ADSL: variants seen among roughly 807,000 people sequenced by gnomAD.
ADSL encodes the protein adenylosuccinate lyase, also known as adenylosuccinase.
In ADSL, 44 loss-of-function variants were observed where a neutral mutation model predicts 62.1. That is an observed-to-expected ratio of 0.71 (90% CI 0.56 to 0.91). The LOEUF (loss-of-function observed/expected upper bound fraction) is 0.91, where lower values mean the gene tolerates loss of function less well. ADSL is among the 40% of genes least tolerant of loss of function. The probability of loss-of-function intolerance (pLI) is 0.00; values close to 1 mark genes in which losing one functional copy is unlikely to be tolerated. For synonymous variants in ADSL, 198 were observed against 220.5 expected, an observed-to-expected ratio of 0.90 and a Z score of 0.90; for missense variants, 531 against 627.4, an observed-to-expected ratio of 0.85 and a Z score of 1.64.
At chr22:40,373,533 C>T (rs983916775), downstream of ADSL, 14 of 152,196 alleles carry the variant, frequency 9.2e-5, no homozygotes, top group African/African-American at 3.4e-4. Context: ...ATCTTGCCCT[C>T]AGGTAGTTTA....
At chr22:40,361,669 TGAGTG>T in intron 9 of ADSL, 34 bp downstream of exon 9, 1 of 1,608,518 alleles carries the variant, frequency 6.2e-7, no homozygotes, top group African/African-American at 1.3e-5. Context: ...TACACCAAGT[TGAGTG>T]GAGGTCTGAA....
rs145469983 is a variant in ADSL, at chr22:40,361,519, C to T, written c.894C>T (p.Pro298=). 3.1e-6 allele frequency: 5 copies of T among 1,614,184 alleles called. No individual in the cohort carries two copies. In the African/African-American group the frequency reaches 5.3e-5, roughly 17 times the overall value. ...GSSAMPYKRN[P]MRSERCCSLA... Reference sequence around the variant, plus strand: ...GTGCGATGCCATATAAGCGGAATCCCATGCGTTCAGAACGTTGCTGCAGTC... The same window carrying T: ...GTGCGATGCCATATAAGCGGAATCCTATGCGTTCAGAACGTTGCTGCAGTC... Residue 298 remains proline, a synonymous_variant, in exon 9 of 13, where the codon CCC becomes CCT. Transcript: ENST00000623063.
intron 4 of ADSL, among the ~76,000 whole-genome samples, chr22:40,357,642 A>G (rs2044616000): frequency 6.6e-6 from 1 of 152,232 alleles, no homozygotes; most frequent in Admixed American, 6.5e-5. Flanking sequence ...TCTCCATAGC[A>G]TGACTATTCC....
intron 12 of ADSL, among the ~76,000 whole-genome samples, chr22:40,365,661 G>A (rs1366823495): frequency 6.6e-6 from 1 of 152,140 alleles, no homozygotes; most frequent in Non-Finnish European, 1.5e-5. Context: ...CTTGAGCTCA[G>A]GAGTTCAAGA....
intron 2 of ADSL, among the ~76,000 whole-genome samples, chr22:40,380,364 A>ATTTTT (rs555526386): frequency 7.4e-6 from 1 of 134,242 alleles, no homozygotes; most frequent in Non-Finnish European, 1.6e-5. Flanking sequence ...AATATCTATA[A>ATTTTT]TTTTTTTTTT....
At chr22:40,353,672 C>T (rs1039012185) in intron 3 of ADSL, among the ~76,000 whole-genome samples, 3 of 135,974 alleles carry the variant, frequency 2.2e-5, no homozygotes, top group Non-Finnish European at 4.6e-5. Context: ...GTTACCCAGG[C>T]TGGAGTGCAG....
chr22:40,382,404 T>TA lies in ADSL; in HGVS notation c.90-7823dup, dbSNP rs2047716307. Among the ~76,000 whole-genome samples, 8 of 152,218 alleles carry TA rather than the reference T, an allele frequency of 5.3e-5. No individual in the cohort carries two copies. The South Asian group carries it at 1.7e-3, about 32-fold the overall frequency. On this transcript the variant is annotated intron_variant, in intron 2 of 2. Transcript: ENST00000498234. ...AGCTAGGTGGGACTGGAGTCATGTCTAAAGTTTCCTTAGATGTCTTGGGGT... is the reference window on the plus strand; with the variant it reads ...AGCTAGGTGGGACTGGAGTCATGTCTAAAAGTTTCCTTAGATGTCTTGGGGT...
Position 40,367,381 on chromosome 22 carries a change from C to A in ADSL, c.*859C>A, listed in dbSNP as rs2045037726. The A allele has an allele frequency of 6.2e-6, 1 of 160,226 alleles. No homozygotes were observed. Among genetic ancestry groups the A allele is most frequent in the African/African-American group, 2.4e-5 (1 of 41,460 alleles). The allele number at this position is 160,226 out of a possible 1,614,324, so 9.9% of individuals were successfully genotyped here. ...TGAACTCCTGACCTCAAGTGATCCGCCCATCTCAGCCTCCCAAAGTTCTGG... is the reference window on the plus strand; with the variant it reads ...TGAACTCCTGACCTCAAGTGATCCGACCATCTCAGCCTCCCAAAGTTCTGG... On this transcript the variant is annotated 3_prime_UTR_variant, in exon 13 of 13. Coordinates refer to ENST00000623063, the MANE Select transcript of ADSL (RefSeq NM_000026.4).
chr22:40,387,347 G>A (rs2048640447), intron 2 of ADSL: 1 of 395,128 alleles, frequency 2.5e-6, no homozygotes, highest in African/African-American at 2.1e-5. Context: ...GTTCATATCT[G>A]CAAATGAAAC....
Position 40,361,655 on chromosome 22 carries a change from C to G in ADSL, c.1010+20C>G. ...CAACCGGTCAGTGGCACAGGGACAT[C>G]ACATACACCAAGTTGAGTGGAGGTC... On this transcript the variant is annotated intron_variant, in intron 9 of 12. Transcript: ENST00000623063. The G allele has an allele frequency of 6.2e-7, 1 of 1,610,750 alleles. No homozygotes were observed. Among genetic ancestry groups the G allele is most frequent in the Non-Finnish European group, 8.5e-7 (1 of 1,179,908 alleles).
intron 3 of ADSL, among the ~76,000 whole-genome samples, chr22:40,353,668 C>T (rs1186270108): frequency 6.8e-6 from 1 of 146,002 alleles, no homozygotes; most frequent in African/African-American, 2.6e-5. Context: ...CTCAGTTACC[C>T]AGGCTGGAGT....
chr22:40,365,083 G>A (rs371050501), intron 12 of ADSL, 27 bp downstream of exon 12: 1 of 1,601,872 alleles, frequency 6.2e-7, no homozygotes, highest in Non-Finnish European at 8.5e-7. Flanking sequence ...CCTCTTTTCT[G>A]CTGGGCTGCA....
chr22:40,384,088 ATAAAAAT>A lies in ADSL; in HGVS notation c.90-6139_90-6133del, dbSNP rs200823316. On this transcript the variant is annotated intron_variant, in intron 2 of 2. Coordinates refer to the ADSL transcript ENST00000498234. Reference sequence around the variant, plus strand: ...AGATAGTAGGACCTTGTCTCTAAAAATAAAAATTAGCAAGTCATGATGGCATGCGCCC... The same window carrying A: ...AGATAGTAGGACCTTGTCTCTAAAAATAGCAAGTCATGATGGCATGCGCCC... Among the ~76,000 whole-genome samples the A allele has an allele frequency of 2.0e-4, 30 of 152,270 alleles. No individual in the cohort carries two copies. In the East Asian group the frequency reaches 5.6e-3, roughly 28 times the overall value.
At chr22:40,386,277 A>C (rs1282016507) in intron 2 of ADSL, among the ~76,000 whole-genome samples, 1 of 152,156 alleles carries the variant, frequency 6.6e-6, no homozygotes, top group African/African-American at 2.4e-5. Context: ...ATGGGAGTGA[A>C]GTGTATGGAC....
In ADSL at chr22:40,350,088, C is replaced by G. The variant is rs974701398; in HGVS notation, c.357+53C>G. ...AACTCAGTCTCTAGAATCTATTTGT[C>G]AATTTTATTTGATGTTGTCCAGTTG... On this transcript the variant is annotated intron_variant, in intron 2 of 12. Transcript: ENST00000623063. 3 of 1,484,216 alleles carry G rather than the reference C, an allele frequency of 2.0e-6. No homozygotes were observed. In the African/African-American group the frequency reaches 4.2e-5, roughly 21 times the overall value. 91.9% of individuals were successfully genotyped at this position (1,484,216 alleles called of 1,614,324 possible).
intron 2 of ADSL, among the ~76,000 whole-genome samples, chr22:40,377,450 G>C (rs1329831272): frequency 1.3e-5 from 2 of 152,102 alleles, no homozygotes; most frequent in Non-Finnish European, 2.9e-5. Context: ...ATACATTCCT[G>C]TCTTTCATAA....
In ADSL at chr22:40,346,657, G is replaced by A. The variant is rs1411663453; in HGVS notation, c.99G>A (p.Arg33=). The A allele has an allele frequency of 5.0e-6, 8 of 1,613,146 alleles. No individual in the cohort carries two copies. Among genetic ancestry groups the A allele is most frequent in the Non-Finnish European group, 6.8e-6 (8 of 1,179,700 alleles). The change falls in exon 1 of 13, where the codon AGG becomes AGA. Residue 33 remains arginine (R), a synonymous_variant. Coordinates refer to ENST00000623063, the MANE Select transcript of ADSL (RefSeq NM_000026.4). ...AGATGTGCTTCGTGTTTAGCGACAG[G>A]TATAAATTCCGGACATGGCGGCAGC... ...SPEMCFVFSD[R]YKFRTWRQLW...
intron 2 of ADSL, among the ~76,000 whole-genome samples, chr22:40,378,949 G>A (rs1240893896): frequency 6.6e-6 from 1 of 151,652 alleles, no homozygotes; most frequent in Admixed American, 6.6e-5. Context: ...TCTTTGTTTC[G>A]GACCTCTGCT....
chr22:40,372,118 C>G (rs1051304181), downstream of ADSL, among the ~76,000 whole-genome samples: 4 of 120,694 alleles, frequency 3.3e-5, no homozygotes, highest in South Asian at 2.9e-4. Context: ...CCTGTCCCCC[C>G]CCCCTTTTTT....
Sources: allele counts gnomAD v4.1 joint callset (sites outside exome capture counted in the v4.1 genomes callset), GRCh38; gene constraint gnomAD v4.1.1; transcripts MANE v1.5; gene names NCBI Gene and HGNC (gene_info 2026-07-23, HGNC 2026-07-21).